SGMS1: variants seen among roughly 807,000 people sequenced by gnomAD.
The protein encoded by SGMS1 is phosphatidylcholine:ceramide cholinephosphotransferase 1.
In SGMS1, 13 loss-of-function variants were observed where a neutral mutation model predicts 46.2. That is an observed-to-expected ratio of 0.28 (90% CI 0.18 to 0.45). The LOEUF is 0.45. SGMS1 is among the 20% of genes least tolerant of loss of function. SGMS1 has a pLI of 1.00. For synonymous variants in SGMS1, 203 were observed against 187.8 expected, an observed-to-expected ratio of 1.08 and a Z score of -0.66; for missense variants, 324 against 519.9, an observed-to-expected ratio of 0.62 and a Z score of 3.66.
At chr10:50,345,065 T>C (rs1478019755) in intron 6 of SGMS1, among the ~76,000 whole-genome samples, 2 of 151,904 alleles carry the variant, frequency 1.3e-5, no homozygotes, top group African/African-American at 4.8e-5. Context: ...GTACATAACA[T>C]ACAGCAACTC....
At chr10:50,360,004 T>C (rs1848221175) in intron 6 of SGMS1, among the ~76,000 whole-genome samples, 1 of 152,212 alleles carries the variant, frequency 6.6e-6, no homozygotes, top group African/African-American at 2.4e-5. Flanking sequence ...ATTACTTGCA[T>C]TTAGAAGGGG....
At chr10:50,409,614 T>C (rs1374426023) in intron 6 of SGMS1, among the ~76,000 whole-genome samples, 1 of 152,240 alleles carries the variant, frequency 6.6e-6, no homozygotes, top group Non-Finnish European at 1.5e-5. Context: ...TTGGACATAA[T>C]CAAAATAAAT....
intron 5 of SGMS1, among the ~76,000 whole-genome samples, 183 bp downstream of exon 5, chr10:50,460,490 G>A (rs1263063387): frequency 6.6e-6 from 1 of 152,220 alleles, no homozygotes; most frequent in African/African-American, 2.4e-5. Context: ...AGTGACGAGT[G>A]ATATCCCACC....
chr10:50,373,740 G>C (rs566278750), intron 6 of SGMS1, among the ~76,000 whole-genome samples: 1 of 152,284 alleles, frequency 6.6e-6, no homozygotes, highest in Admixed American at 6.5e-5. Flanking sequence ...AAAAGATTCT[G>C]TCAGTACAAG....
chr10:50,584,511 A>AG (rs1838464808), intron 2 of SGMS1, among the ~76,000 whole-genome samples: 1 of 151,842 alleles, frequency 6.6e-6, no homozygotes, highest in African/African-American at 2.4e-5. Context: ...AAAAAAAAAA[A>AG]AAAAAAAAAG....
chr10:50,478,489 A>G (rs1181509341), intron 3 of SGMS1, among the ~76,000 whole-genome samples: 1 of 152,180 alleles, frequency 6.6e-6, no homozygotes, highest in Non-Finnish European at 1.5e-5. Context: ...TCTTTAAAGG[A>G]CATATTGTAG....
intron 3 of SGMS1, among the ~76,000 whole-genome samples, chr10:50,474,584 C>G (rs1837403884): frequency 6.6e-6 from 1 of 152,090 alleles, no homozygotes; most frequent in Admixed American, 6.6e-5. Flanking sequence ...ACAAATTTTT[C>G]TATAAAAATT....
chr10:50,517,848 G>A (rs34928652), intron 3 of SGMS1, among the ~76,000 whole-genome samples: 26,872 of 151,920 alleles, frequency 0.18, 2,652 homozygotes, highest in Admixed American at 0.23. Context: ...AAAAATGAAA[G>A]CTATGGACAA....
intron 3 of SGMS1, among the ~76,000 whole-genome samples, chr10:50,515,328 C>T (rs2133779607): frequency 6.6e-6 from 1 of 152,314 alleles, no homozygotes; most frequent in African/African-American, 2.4e-5. Flanking sequence ...AAAGACAGCA[C>T]TCTTGGGCTG....
chr10:50,442,788 C>A (rs1849562460), intron 5 of SGMS1, among the ~76,000 whole-genome samples: 1 of 152,150 alleles, frequency 6.6e-6, no homozygotes, highest in South Asian at 2.1e-4. Flanking sequence ...GTATAGCTTG[C>A]AAAAATTTTC....
At chr10:50,517,458 G>A (rs1184312468) in intron 3 of SGMS1, among the ~76,000 whole-genome samples, 1 of 152,002 alleles carries the variant, frequency 6.6e-6, no homozygotes, top group Admixed American at 6.6e-5. Context: ...GAGAAGTATT[G>A]AACTAAAAGC....
intron 2 of SGMS1, among the ~76,000 whole-genome samples, chr10:50,561,090 A>C (rs1420025601): frequency 6.6e-6 from 1 of 152,194 alleles, no homozygotes; most frequent in Non-Finnish European, 1.5e-5. Context: ...TAACTGGTAC[A>C]ATTGACAGAA....
At chr10:50,424,005 C>T (rs1159172521) in intron 6 of SGMS1, among the ~76,000 whole-genome samples, 1 of 152,190 alleles carries the variant, frequency 6.6e-6, no homozygotes, top group African/African-American at 2.4e-5. Context: ...TTAACAACTA[C>T]ACTGAACGCG....
intron 2 of SGMS1, among the ~76,000 whole-genome samples, chr10:50,587,735 C>CT (rs1838501197): frequency 6.8e-6 from 1 of 148,090 alleles, no homozygotes; most frequent in South Asian, 2.2e-4. Flanking sequence ...TTACTAGTTA[C>CT]ATTTTCAGGG....
intron 2 of SGMS1, among the ~76,000 whole-genome samples, chr10:50,553,941 G>A (rs1838169782): frequency 1.3e-5 from 2 of 152,082 alleles, no homozygotes; most frequent in South Asian, 4.2e-4. Context: ...AAGGCACAAG[G>A]CACCTGAAAA....
intron 1 of SGMS1, among the ~76,000 whole-genome samples, chr10:50,613,794 A>C (rs1364352282): frequency 6.6e-6 from 1 of 152,244 alleles, no homozygotes; most frequent in Non-Finnish European, 1.5e-5. Context: ...CATTCTTTCA[A>C]ATAGGAAAAA....
Position 50,484,986 on chromosome 10 carries a change from A to T in SGMS1, c.-497-18054T>A, listed in dbSNP as rs575724344. Among the ~76,000 whole-genome samples, 5 of 152,322 alleles carry T rather than the reference A, an allele frequency of 3.3e-5. 1 individual carries two copies. In the East Asian group the frequency reaches 9.6e-4, roughly 29 times the overall value. ...AAGCATTCTCCTTGAAAACCAGCAC[A>T]AGACAAGGATGCCCTCTCTCACCAC... On this transcript the variant is annotated intron_variant, in intron 3 of 10. Transcript: ENST00000361781.
intron 1 of SGMS1, chr10:50,623,487 C>G (rs1227672770): frequency 3.7e-5 from 30 of 821,170 alleles, no homozygotes; most frequent in Non-Finnish European, 4.3e-5. Flanking sequence ...GCCCGGATCC[C>G]GGCCGCCGGA....
chr10:50,523,374 T>G (rs1020527600), intron 2 of SGMS1, among the ~76,000 whole-genome samples: 1 of 152,224 alleles, frequency 6.6e-6, no homozygotes, highest in African/African-American at 2.4e-5. Flanking sequence ...TTCTTACAAA[T>G]GTATGTGCTT....
Sources: allele counts gnomAD v4.1 joint callset (sites outside exome capture counted in the v4.1 genomes callset), GRCh38; gene constraint gnomAD v4.1.1; transcripts MANE v1.5; gene names NCBI Gene and HGNC (gene_info 2026-07-23, HGNC 2026-07-21).